NGEF: variants seen among roughly 807,000 people sequenced by gnomAD.
NGEF encodes the protein neuronal guanine nucleotide exchange factor, also known as ephexin-1.
A neutral mutation model predicts 80.9 loss-of-function variants in NGEF; 31 were observed. The observed-to-expected ratio is 0.38, with a 90% confidence interval of 0.29 to 0.52. The LOEUF (loss-of-function observed/expected upper bound fraction) is 0.52. NGEF is among the 20% of genes least tolerant of loss of function. NGEF has a pLI of 0.84. For missense variants in NGEF, 709 were observed against 926.2 expected (o/e 0.77, Z 3.04); for synonymous variants, 371 against 370.2 (o/e 1.00, Z -0.03).
At chr2:232,932,163 C>CTTTTTTTTTTTTTTTTTTT (rs397988249) in intron 3 of NGEF, among the ~76,000 whole-genome samples, 1 of 115,590 alleles carries the variant, frequency 8.7e-6, no homozygotes, top group Non-Finnish European at 1.7e-5. Context: ...AATCACCTTT[C>CTTTTTTTTTTTTTTTTTTT]TTTTTTTTTT....
At chr2:232,946,349 A>G (rs1469394161) in intron 3 of NGEF, among the ~76,000 whole-genome samples, 1 of 152,174 alleles carries the variant, frequency 6.6e-6, no homozygotes, top group Non-Finnish European at 1.5e-5. Flanking sequence ...TGCTCGGCTG[A>G]TAGATGTACC....
intron 3 of NGEF, among the ~76,000 whole-genome samples, chr2:232,958,462 A>C (rs1313250282): frequency 6.6e-6 from 1 of 152,204 alleles, no homozygotes. Flanking sequence ...GGGAGTCGGC[A>C]TGCATGCATT....
intron 3 of NGEF, among the ~76,000 whole-genome samples, chr2:232,929,240 G>T (rs1693167647): frequency 6.6e-6 from 1 of 152,038 alleles, no homozygotes; most frequent in Admixed American, 6.5e-5. Flanking sequence ...CAAATTCTTC[G>T]TTGGGGGGGA....
At chr2:232,966,647 G>A (rs927443575) in intron 3 of NGEF, among the ~76,000 whole-genome samples, 7 of 151,988 alleles carry the variant, frequency 4.6e-5, no homozygotes, top group Admixed American at 1.3e-4. Flanking sequence ...AGCCAGCCCC[G>A]TCACTCCCCC....
intron 1 of NGEF, among the ~76,000 whole-genome samples, chr2:232,995,015 A>ATATGCATACTGTATATATGTACAG (rs1694750336): frequency 3.1e-5 from 1 of 32,256 alleles, no homozygotes. Flanking sequence ...TATAATACAT[A>ATATGCATACTGTATATATGTACAG]TATGTATACT....
chr2:233,006,003 G>A (rs2106346303), intron 1 of NGEF, among the ~76,000 whole-genome samples: 1 of 152,262 alleles, frequency 6.6e-6, no homozygotes, highest in South Asian at 2.1e-4. Context: ...TTTTTGTAGA[G>A]ACGGGGTTTT....
intron 3 of NGEF, among the ~76,000 whole-genome samples, chr2:232,946,944 G>T (rs1262009868): frequency 1.5e-5 from 2 of 133,530 alleles, no homozygotes; most frequent in African/African-American, 5.2e-5. Flanking sequence ...CAAAGGAAGG[G>T]TCTTCTTCAC....
intron 1 of NGEF, among the ~76,000 whole-genome samples, chr2:232,978,570 T>C (rs772108153): frequency 4.9e-4 from 75 of 152,176 alleles, no homozygotes; most frequent in Non-Finnish European, 1.2e-4. Flanking sequence ...CTCTTTTTAT[T>C]AGTTTTGACA....
At chr2:232,941,759 G>A (rs1269339626) in intron 3 of NGEF, among the ~76,000 whole-genome samples, 2 of 152,138 alleles carry the variant, frequency 1.3e-5, no homozygotes, top group African/African-American at 2.4e-5. Flanking sequence ...GGACTGCTTT[G>A]TAGTCTCCAG....
intron 1 of NGEF, among the ~76,000 whole-genome samples, chr2:233,002,568 T>C (rs1015250764): frequency 5.3e-5 from 8 of 152,046 alleles, no homozygotes; most frequent in African/African-American, 1.9e-4. Flanking sequence ...TCCCAGCTAC[T>C]TGGAAGGCTG....
chr2:232,950,484 G>C (rs1245825407), intron 3 of NGEF, among the ~76,000 whole-genome samples: 1 of 148,826 alleles, frequency 6.7e-6, no homozygotes, highest in African/African-American at 2.5e-5. Context: ...CCCCTGGACT[G>C]TGTGATGGGT....
At chr2:232,943,547 G>A (rs915633912) in intron 3 of NGEF, among the ~76,000 whole-genome samples, 27 of 123,796 alleles carry the variant, frequency 2.2e-4, no homozygotes, top group Admixed American at 5.7e-4. Flanking sequence ...CCAGGCTGGA[G>A]TGCAGTGGCG....
At chr2:232,930,884 C>G (rs1708210391) in intron 3 of NGEF, among the ~76,000 whole-genome samples, 1 of 152,354 alleles carries the variant, frequency 6.6e-6, no homozygotes, top group East Asian at 1.9e-4. Flanking sequence ...AAAGTTTTAA[C>G]TTGTTCCAGC....
intron 5 of NGEF, among the ~76,000 whole-genome samples, 174 bp from the exon 6 acceptor site, chr2:232,895,090 G>A (rs1692014862): frequency 2.6e-5 from 4 of 152,294 alleles, no homozygotes; most frequent in Non-Finnish European, 1.5e-5. Flanking sequence ...ACCTGCGGCC[G>A]GGAATGGTAG....
rs146798173 is a variant in NGEF, at chr2:232,920,522, T to C, written c.590A>G (p.Gln197Arg). The change falls in exon 5 of 15, where the codon CAG (glutamine) becomes CGG (arginine). Residue 197 changes from glutamine (Q) to arginine (R), a missense_variant. Around this residue, in one of 2 missense-constraint regions of NGEF, gnomAD observed 283 missense variants for 303.4 expected, o/e 0.93. Coordinates refer to ENST00000264051, the MANE Select transcript of NGEF (RefSeq NM_019850.3). ...TLQEIETRRQQDAEIEDNTNG... is the reference protein window; with the variant it reads ...TLQEIETRRQRDAEIEDNTNG... ...GGTATTGTCTTCTATTTCTGCATCCTGTTGCCTCCTGGTTTCGATTTCTTG... is the reference window on the plus strand; with the variant it reads ...GGTATTGTCTTCTATTTCTGCATCCCGTTGCCTCCTGGTTTCGATTTCTTG... The C allele has an allele frequency of 3.8e-6, 6 of 1,574,370 alleles. No homozygotes were observed. In the African/African-American group the frequency reaches 6.8e-5, roughly 18 times the overall value.
intron 4 of NGEF, among the ~76,000 whole-genome samples, chr2:232,920,839 C>T (rs1297133739): frequency 1.3e-5 from 2 of 152,240 alleles, no homozygotes; most frequent in Non-Finnish European, 2.9e-5. Flanking sequence ...CGAATGGACT[C>T]AAAATCCAAT....
In NGEF at chr2:232,882,264, T is replaced by C. The variant is rs1691527409; in HGVS notation, c.1759A>G (p.Ser587Gly). 1.4e-5 allele frequency: 22 copies of C among 1,613,282 alleles called. No individual in the cohort carries two copies. The highest frequency in any genetic ancestry group is 1.9e-5 in the Non-Finnish European group (22 of 1,179,682). The change falls in exon 13 of 15, where the codon AGT (serine) becomes GGT (glycine). Residue 587 changes from serine to glycine, a missense_variant and splice_region_variant. By Grantham distance (56) the Ser-to-Gly change is moderately conservative. Around this residue, in one of 2 missense-constraint regions of NGEF, gnomAD observed 426 missense variants for 622.9 expected, o/e 0.68. Transcript: ENST00000264051. ...ATYMLKASSQ[S>G]EMKRWMTSLA... ...GAGGTCATCCAACGCTTCATCTCAC[T>C]CCTGGCACAGGGAAGAGGACAGTGC...
chr2:232,967,760 C>T (rs937065584), intron 3 of NGEF, among the ~76,000 whole-genome samples: 7 of 151,100 alleles, frequency 4.6e-5, no homozygotes, highest in African/African-American at 1.7e-4. Context: ...AGCAAAGCAA[C>T]CTCAGGAAGG....
At chr2:232,912,303 G>A (rs964539580) in intron 5 of NGEF, among the ~76,000 whole-genome samples, 1 of 152,072 alleles carries the variant, frequency 6.6e-6, no homozygotes, top group Non-Finnish European at 1.5e-5. Flanking sequence ...TGTTAATATG[G>A]TGGGTTACAT....
Sources: gnomAD v4.1 joint callset for allele counts (sites outside exome capture counted in the v4.1 genomes callset) on GRCh38, gnomAD v4.1.1 for gene constraint, gnomAD v4.1.1 regional missense constraint, MANE v1.5 for transcripts, NCBI Gene and HGNC (gene_info 2026-07-23, HGNC 2026-07-21) for gene names.